Variants in BLTP1 observed in about 807,000 individuals in gnomAD.
The protein encoded by BLTP1 is fragile site-associated protein.
At chr4:122,299,037 A>T in the BLTP1 span, 1 of 985,280 alleles carries the variant, frequency 1.0e-6, no homozygotes, top group Non-Finnish European at 1.2e-6. Flanking sequence ...GGGTCAGCTA[A>T]GGTACTGCTT....
the BLTP1 span, chr4:122,198,126 A>G: frequency 1.0e-6 from 1 of 985,262 alleles, no homozygotes; most frequent in Non-Finnish European, 1.2e-6. Flanking sequence ...TACGTTCATT[A>G]GTTTATGTAA....
At chr4:122,355,465 A>G in the BLTP1 span, among the ~76,000 whole-genome samples, 1 of 151,444 alleles carries the variant, frequency 6.6e-6, no homozygotes, top group Non-Finnish European at 1.5e-5. Flanking sequence ...CCCAGAAACC[A>G]AAGCTAGAAT....
chr4:122,313,612 G>A, the BLTP1 span: 14 of 1,562,616 alleles, frequency 9.0e-6, no homozygotes, highest in African/African-American at 1.4e-5. Flanking sequence ...CTATTTTTGG[G>A]GTGATTTTTG....
chr4:122,329,634 T>C, the BLTP1 span, among the ~76,000 whole-genome samples: 1 of 151,714 alleles, frequency 6.6e-6, no homozygotes, highest in African/African-American at 2.4e-5. Flanking sequence ...TTACGTTGCC[T>C]TCGTAAAAAC....
chr4:122,247,321 C>T, the BLTP1 span: 5 of 1,613,122 alleles, frequency 3.1e-6, no homozygotes, highest in South Asian at 1.1e-5. Flanking sequence ...AAACATTCAT[C>T]GAGTTCATGG....
At chr4:122,288,211 A>C in the BLTP1 span, among the ~76,000 whole-genome samples, 5 of 152,124 alleles carry the variant, frequency 3.3e-5, no homozygotes, top group Non-Finnish European at 7.4e-5. Flanking sequence ...TAGGACACAA[A>C]TTATAGGACA....
At chr4:122,249,782 CATA>C in the BLTP1 span, 16 of 1,485,254 alleles carry the variant, frequency 1.1e-5, no homozygotes, top group Non-Finnish European at 1.5e-5. Flanking sequence ...CCTGAATCAA[CATA>C]ATAAAGCAGA....
the BLTP1 span, chr4:122,277,244 G>A: frequency 3.2e-6 from 1 of 313,882 alleles, no homozygotes; most frequent in South Asian, 1.3e-4. Flanking sequence ...GAGAGACTGA[G>A]TTGGGAGGAT....
chr4:122,337,388 A>G, the BLTP1 span, among the ~76,000 whole-genome samples: 1 of 152,242 alleles, frequency 6.6e-6, no homozygotes, highest in East Asian at 1.9e-4. Context: ...AGCCTTTTTT[A>G]TAATAAAATA....
the BLTP1 span, chr4:122,200,110 A>G: frequency 2.2e-6 from 2 of 904,620 alleles, no homozygotes; most frequent in East Asian, 1.2e-4. Flanking sequence ...AACATTTTAC[A>G]TATGACATAT....
At chr4:122,327,507 G>A in the BLTP1 span, among the ~76,000 whole-genome samples, 2 of 151,634 alleles carry the variant, frequency 1.3e-5, no homozygotes, top group Non-Finnish European at 3.0e-5. Context: ...AGAGCCGGCT[G>A]TATTTACCTT....
the BLTP1 span, among the ~76,000 whole-genome samples, chr4:122,258,057 G>A: frequency 2.0e-5 from 3 of 152,090 alleles, no homozygotes; most frequent in South Asian, 2.1e-4. Flanking sequence ...TGGGGCCTGC[G>A]CTCAGCCTAC....
chr4:122,349,500 A>G, the BLTP1 span: 1 of 1,606,336 alleles, frequency 6.2e-7, no homozygotes, highest in Non-Finnish European at 8.5e-7. The surrounding 1 kb of genome is among the most constrained non-coding windows in gnomAD (Gnocchi z 4.5). Context: ...AATTCAGATT[A>G]CTATGGGTTC....
chr4:122,183,193 A>G, the BLTP1 span: 4 of 386,046 alleles, frequency 1.0e-5, no homozygotes, highest in African/African-American at 6.6e-5. Context: ...AAAATTAGCC[A>G]GACATGGTGA....
chr4:122,207,374 C>T, the BLTP1 span: 2 of 1,368,170 alleles, frequency 1.5e-6, no homozygotes, highest in Middle Eastern at 2.7e-4. Flanking sequence ...AAGTTATTTC[C>T]CCCCATTATC....
the BLTP1 span, chr4:122,201,708 T>G: frequency 6.4e-6 from 1 of 156,848 alleles, no homozygotes. Context: ...TTAAAATAAG[T>G]GGCATTTATT....
chr4:122,270,311 A>C, the BLTP1 span: 1 of 978,812 alleles, frequency 1.0e-6, no homozygotes, highest in Admixed American at 6.2e-5. Flanking sequence ...CCATGTCTGC[A>C]CATTCATAGT....
chr4:122,223,647 A>G, the BLTP1 span, among the ~76,000 whole-genome samples: 2 of 152,188 alleles, frequency 1.3e-5, no homozygotes, highest in African/African-American at 2.4e-5. Context: ...ACAGGATCAG[A>G]TTTGTATGTT....
At chr4:122,240,415 G>A in the BLTP1 span, 1 of 1,413,338 alleles carries the variant, frequency 7.1e-7, no homozygotes, top group Non-Finnish European at 9.7e-7. Context: ...TTTTTAAGAA[G>A]TTATTTTCAT....
Sources: gnomAD v4.1 joint callset for allele counts (sites outside exome capture counted in the v4.1 genomes callset) on GRCh38, gnomAD v4.1.1 for gene constraint, Gnocchi (gnomAD v3.1) non-coding constraint, MANE v1.5 for transcripts, NCBI Gene and HGNC (gene_info 2026-07-23, HGNC 2026-07-21) for gene names.